The following STS variants were observed in gnomAD, a reference collection of about 807,000 sequenced individuals.
The protein encoded by STS is steryl-sulfatase.
STS carries 7 observed loss-of-function variants against 26.8 expected under a neutral mutation model. The ratio of observed to expected loss-of-function variants is 0.26; its 90% confidence interval spans 0.15 to 0.49. The LOEUF is 0.49. STS is among the 20% of genes least tolerant of loss of function. The pLI is 0.98. For synonymous variants in STS, 199 were observed against 189.4 expected (o/e 1.05, Z -0.42); for missense variants, 434 against 465.6 (o/e 0.93, Z 0.63).
chrX:7,237,051 G>C (rs1224672633), intron 2 of STS, among the ~76,000 whole-genome samples: 1 of 110,334 alleles, frequency 9.1e-6, no homozygotes, highest in Non-Finnish European at 1.9e-5. Flanking sequence ...TGTTGCTAGA[G>C]GGAGATCCTT....
At chrX:7,320,065 T>A (rs1278167798) in intron 8 of STS, among the ~76,000 whole-genome samples, 2 of 89,331 alleles carry the variant, frequency 2.2e-5, no homozygotes, top group Non-Finnish European at 4.3e-5. Flanking sequence ...ATATATATAT[T>A]TTATATATAT....
intron 1 of STS, among the ~76,000 whole-genome samples, chrX:7,160,944 A>C (rs1373694911): frequency 9.0e-6 from 1 of 111,193 alleles, no homozygotes; most frequent in African/African-American, 3.3e-5. Flanking sequence ...GCATGAAGTC[A>C]AATGTTTCTT....
At chrX:7,205,646 T>C (rs1413270437) in intron 2 of STS, among the ~76,000 whole-genome samples, 3 of 106,283 alleles carry the variant, frequency 2.8e-5, no homozygotes, top group Non-Finnish European at 3.9e-5. Flanking sequence ...TTTTTCTTTT[T>C]TTTTTTTTTT....
chrX:7,222,329 A>T (rs943106365), intron 2 of STS, among the ~76,000 whole-genome samples: 57 of 111,394 alleles, frequency 5.1e-4, no homozygotes, highest in African/African-American at 1.8e-3. Context: ...TGTTGTTTGA[A>T]TTTGGATCTT....
intron 1 of STS, among the ~76,000 whole-genome samples, chrX:7,168,737 C>G (rs776570985): frequency 2.1e-4 from 23 of 111,610 alleles, no homozygotes; most frequent in Non-Finnish European, 4.0e-4. Flanking sequence ...CTTCAAGTTG[C>G]CTTCCTCTCT....
chrX:7,216,766 G>T (rs1275219982), intron 2 of STS, among the ~76,000 whole-genome samples: 2 of 111,719 alleles, frequency 1.8e-5, no homozygotes, highest in Non-Finnish European at 3.8e-5. Context: ...ATAAGACAAA[G>T]AATTAGGATT....
rs774925391 is a variant in STS at position 7,325,514 on chromosome X, G to A, written c.1241+16G>A. On this transcript the variant is annotated intron_variant, in intron 9 of 10. Coordinates refer to ENST00000674429, the MANE Select transcript of STS (RefSeq NM_001320752.2). ...CTGAGGACAGGTACTCTGATGCCAG[G>A]GTGGTTGGTATTGTTGAGCTCTGAT... The A allele has an allele frequency of 7.4e-6, 9 of 1,208,191 alleles. No homozygotes were observed. Among genetic ancestry groups the A allele is most frequent in the Non-Finnish European group, 1.0e-5 (9 of 894,487 alleles).
chrX:7,247,999 G>T (rs1234795100), intron 2 of STS, among the ~76,000 whole-genome samples: 1 of 111,730 alleles, frequency 9.0e-6, no homozygotes, highest in Non-Finnish European at 1.9e-5. Flanking sequence ...GGCCATGGGG[G>T]AGAACTGCAA....
chrX:7,277,129 C>G (rs774263349), intron 7 of STS, among the ~76,000 whole-genome samples: 1 of 111,834 alleles, frequency 8.9e-6, no homozygotes, highest in Admixed American at 9.4e-5. Flanking sequence ...CTCACAACTT[C>G]CAGTCTTTTC....
At chrX:7,281,907 C>G (rs1924879484) in intron 7 of STS, among the ~76,000 whole-genome samples, 1 of 112,586 alleles carries the variant, frequency 8.9e-6, no homozygotes, top group Admixed American at 9.4e-5. Context: ...CAAAAGTCCT[C>G]TGATTCAATA....
chrX:7,178,051 A>G, intron 1 of STS, among the ~76,000 whole-genome samples: 2 of 111,802 alleles, frequency 1.8e-5, no homozygotes, highest in South Asian at 7.6e-4. Context: ...GGTCTCCCAA[A>G]GAGCTGAGAT....
intron 7 of STS, among the ~76,000 whole-genome samples, chrX:7,295,147 G>A (rs1925602513): frequency 9.0e-6 from 1 of 111,607 alleles, no homozygotes; most frequent in Non-Finnish European, 1.9e-5. Flanking sequence ...TTAAAGCTGT[G>A]TTCTAAATAA....
chrX:7,227,248 C>A (rs1471594757), intron 2 of STS, among the ~76,000 whole-genome samples: 5 of 111,292 alleles, frequency 4.5e-5, no homozygotes, highest in African/African-American at 6.5e-5. Context: ...TATCTATATT[C>A]CTTTTTCCTT....
intron 2 of STS, among the ~76,000 whole-genome samples, chrX:7,196,287 C>T (rs1980319251): frequency 9.0e-6 from 1 of 111,660 alleles, no homozygotes; most frequent in Non-Finnish European, 1.9e-5. Context: ...CTTCTCCAAC[C>T]TTAAGAGTGT....
chrX:7,287,635 G>A (rs1166597159), intron 7 of STS, among the ~76,000 whole-genome samples: 6 of 109,945 alleles, frequency 5.5e-5, no homozygotes, highest in Non-Finnish European at 1.1e-4. Flanking sequence ...ATTCCTCTGT[G>A]AGGGACATCT....
At chrX:7,234,115 C>T (rs1922203212) in intron 2 of STS, among the ~76,000 whole-genome samples, 1 of 111,837 alleles carries the variant, frequency 8.9e-6, no homozygotes, top group South Asian at 3.8e-4. Context: ...TGTAACATAA[C>T]CCCTGGTTAC....
At chrX:7,313,102 T>G (rs1454557545) in intron 8 of STS, among the ~76,000 whole-genome samples, 1 of 112,631 alleles carries the variant, frequency 8.9e-6, no homozygotes, top group African/African-American at 3.2e-5. Context: ...CTCCCTCCCT[T>G]TTTCTCTGCC....
At position 7,345,475 on chromosome X, in the gene STS, T is replaced by C. The variant is rs193096792; in HGVS notation, c.1364-4413T>C. ...TGCTGGGGTGATTACCCTTATCTTG[T>C]CTCCTGCTAAATCATGGAGGTTTGG... On this transcript the variant is annotated intron_variant, in intron 10 of 10. Coordinates refer to ENST00000674429, the MANE Select transcript of STS (RefSeq NM_001320752.2). Among the ~76,000 whole-genome samples, 16 of 111,656 alleles carry C rather than the reference T, an allele frequency of 1.4e-4. No homozygotes were observed. The East Asian group carries it at 4.3e-3, about 30-fold the overall frequency.
chrX:7,221,626 G>A (rs1379850331), intron 2 of STS, among the ~76,000 whole-genome samples: 4 of 112,106 alleles, frequency 3.6e-5, no homozygotes, highest in African/African-American at 1.3e-4. Flanking sequence ...AGCTTCCTAA[G>A]TGCACAGGAA....
Sources: gnomAD v4.1 joint callset for allele counts (sites outside exome capture counted in the v4.1 genomes callset) on GRCh38, gnomAD v4.1.1 for gene constraint, MANE v1.5 for transcripts, NCBI Gene and HGNC (gene_info 2026-07-23, HGNC 2026-07-21) for gene names.